Variants in GRK1 observed in about 807,000 individuals in gnomAD.
The protein encoded by GRK1 is G protein-coupled receptor kinase 1, also known as rhodopsin kinase GRK1.
Under a neutral mutation model 41.7 loss-of-function variants are expected in GRK1, and 28 were observed. That is an observed-to-expected ratio of 0.67 (90% CI 0.50 to 0.92). The LOEUF (loss-of-function observed/expected upper bound fraction) is 0.92. Among genes scored for constraint, GRK1 ranks in the 40% least tolerant of loss-of-function variants. The probability of loss-of-function intolerance (pLI) is 0.00; values close to 1 mark genes in which losing one functional copy is unlikely to be tolerated. For synonymous variants in GRK1, 327 were observed against 286.7 expected (o/e 1.14, Z -1.42); for missense variants, 703 against 671.2 (o/e 1.05, Z -0.52).
intron 4 of GRK1, among the ~76,000 whole-genome samples, chr13:113,727,619 TGAG>T (rs773311898): frequency 5.8e-4 from 77 of 133,582 alleles, no homozygotes; most frequent in Non-Finnish European, 1.0e-3. Flanking sequence ...CCCATGGCGA[TGAG>T]GACCCATGGC....
Position 113,731,121 on chromosome 13 carries a change from G to C in GRK1, c.1070-98G>C, listed in dbSNP as rs564223055. Reference sequence around the variant, plus strand: ...AATGTGGAGAGTGCTGAGGCCCCGGGGGGGATGCATCCCCAGAGCATCAGT... The same window carrying C: ...AATGTGGAGAGTGCTGAGGCCCCGGCGGGGATGCATCCCCAGAGCATCAGT... On this transcript the variant is annotated intron_variant, in intron 4 of 6. Transcript: ENST00000335678. This position sits in a 1 kb window ranked among gnomAD's most constrained non-coding sequence, Gnocchi z 5.6. 1.4e-6 allele frequency: 2 copies of C among 1,457,854 alleles called. No individual in the cohort carries two copies. Among genetic ancestry groups the C allele is most frequent in the Non-Finnish European group, 1.8e-6 (2 of 1,095,164 alleles). The allele number at this position is 1,457,854 out of a possible 1,614,324, so 90.3% of individuals were successfully genotyped here. A position where few individuals can be genotyped will look rare whatever the true frequency, so the allele number is the denominator to read the frequency against.
At chr13:113,668,521 C>T (rs1274802078) in intron 1 of GRK1, among the ~76,000 whole-genome samples, 1 of 152,248 alleles carries the variant, frequency 6.6e-6, no homozygotes, top group Non-Finnish European at 1.5e-5. Context: ...GGCAGCCTCG[C>T]TCTGATGACA....
In GRK1 at chr13:113,733,844, C is replaced by T. The variant is rs1210904445; in HGVS notation, c.1396+759C>T. Among the ~76,000 whole-genome samples the T allele has an allele frequency of 7.6e-3, 633 of 83,692 alleles. 14 individuals carry two copies. Among genetic ancestry groups the T allele is most frequent in the African/African-American group, 0.036 (567 of 15,780 alleles). The allele number at this position is 83,692 out of a possible 152,430, so 54.9% of individuals were successfully genotyped here. Reference sequence around the variant, plus strand: ...GTGCGTGTGTGTGCACGTGCGTGTGCATGTGTATGTGTGCATACGTGTGTG... The same window carrying T: ...GTGCGTGTGTGTGCACGTGCGTGTGTATGTGTATGTGTGCATACGTGTGTG... On this transcript the variant is annotated intron_variant, in intron 6 of 6. Coordinates refer to ENST00000335678, the MANE Select transcript of GRK1 (RefSeq NM_002929.3).
chr13:113,652,779 C>T, the GRK1 span: 3 of 1,456,574 alleles, frequency 2.1e-6, no homozygotes, highest in Non-Finnish European at 2.8e-6. Context: ...GGGCAAGCCC[C>T]AGACAGGACA....
At chr13:113,653,029 G>A in the GRK1 span, 109 of 1,613,820 alleles carry the variant, frequency 6.8e-5, no homozygotes, top group African/African-American at 5.3e-4. Flanking sequence ...AGTACTGCTC[G>A]GAGGTGCAGT....
chr13:113,728,192 G>T, intron 4 of GRK1, among the ~76,000 whole-genome samples: 1 of 127,118 alleles, frequency 7.9e-6, no homozygotes. Context: ...GAGTACCCAT[G>T]GCGATGAGGA....
At chr13:113,732,677 C>T (rs942430672) in intron 5 of GRK1, among the ~76,000 whole-genome samples, 2 of 152,212 alleles carry the variant, frequency 1.3e-5, no homozygotes, top group African/African-American at 4.8e-5. Context: ...GCACGGCACC[C>T]ACCTGTGGCT....
upstream of GRK1, among the ~76,000 whole-genome samples, chr13:113,663,884 C>T (rs74116282): frequency 0.034 from 5,181 of 152,252 alleles, 303 homozygotes; most frequent in African/African-American, 0.12. Context: ...AAACAGCTTG[C>T]CGGTTTCTTC....
At chr13:113,653,485 A>G in the GRK1 span, 1 of 1,538,468 alleles carries the variant, frequency 6.5e-7, no homozygotes, top group East Asian at 2.2e-5. Flanking sequence ...CACCACATTT[A>G]AGCCATCAGT....
chr13:113,734,036 A>ATG (rs555370556), intron 6 of GRK1, among the ~76,000 whole-genome samples: 18,712 of 107,730 alleles, frequency 0.17, 1,390 homozygotes, highest in Middle Eastern at 0.36. Flanking sequence ...GCGTGTGCGT[A>ATG]TGTGTGTGTG....
At chr13:113,733,925 CAT>C (rs2049975766) in intron 6 of GRK1, among the ~76,000 whole-genome samples, 1 of 41,958 alleles carries the variant, frequency 2.4e-5, no homozygotes, top group Non-Finnish European at 4.7e-5. Flanking sequence ...TGCGTGTGTG[CAT>C]GTGTGCATAC....
the GRK1 span, chr13:113,652,759 T>C: frequency 8.0e-7 from 1 of 1,253,622 alleles, no homozygotes. Flanking sequence ...CTGGAGTCCC[T>C]GTCCCGCTTG....
intron 1 of GRK1, 145 bp downstream of exon 1, chr13:113,668,230 G>A (rs1014987177): frequency 7.0e-6 from 6 of 855,028 alleles, no homozygotes; most frequent in Non-Finnish European, 1.1e-5. Context: ...GCCTCGCCAC[G>A]TGGGCGCCCC....
chr13:113,651,107 G>GA, the GRK1 span, among the ~76,000 whole-genome samples: 1 of 151,920 alleles, frequency 6.6e-6, no homozygotes, highest in Non-Finnish European at 1.5e-5. Context: ...ACCCTAGTGG[G>GA]AAGGCTCCAC....
chr13:113,664,661 C>T (rs1037635610), upstream of GRK1, among the ~76,000 whole-genome samples: 4 of 152,330 alleles, frequency 2.6e-5, no homozygotes, highest in Admixed American at 2.6e-4. This position sits in a 1 kb window ranked among gnomAD's most constrained non-coding sequence, Gnocchi z 5.4. Flanking sequence ...TCAGACCCTA[C>T]GCCTCCACAG....
At chr13:113,733,992 ACATGTGTGTGCGTGTGCGTG>A (rs1225640087) in intron 6 of GRK1, among the ~76,000 whole-genome samples, 2 of 122,812 alleles carry the variant, frequency 1.6e-5, no homozygotes, top group South Asian at 5.2e-4. Context: ...GTGTGTGCAT[ACATGTGTGTGCGTGTGCGTG>A]CATGTGTGTG....
At chr13:113,732,848 G>T (rs769237233) in intron 5 of GRK1, 36 bp from the exon 6 acceptor site, 2 of 1,512,892 alleles carry the variant, frequency 1.3e-6, no homozygotes, top group African/African-American at 2.7e-5. Flanking sequence ...AAGAGAGGCG[G>T]GTCTGGCAGG....
intron 6 of GRK1, among the ~76,000 whole-genome samples, chr13:113,733,594 TGC>T (rs1491042666): frequency 8.7e-5 from 13 of 149,436 alleles, no homozygotes; most frequent in Non-Finnish European, 1.5e-4. Flanking sequence ...TACGTGTGTG[TGC>T]ATGTGTGCGC....
At position 113,736,187 on chromosome 13, in the gene GRK1, G is replaced by A. The variant is rs1006390299; in HGVS notation, c.*824G>A. ...AAAATGTTTTCTGTCTTGACCCTGA[G>A]TCCCGGAAGCACCTCAGCTGCTCTT... On this transcript the variant is annotated 3_prime_UTR_variant, in exon 7 of 7. Coordinates refer to ENST00000335678, the MANE Select transcript of GRK1 (RefSeq NM_002929.3). 1 of 152,236 alleles carries A rather than the reference G, an allele frequency of 6.6e-6. No individual in the cohort carries two copies. Among genetic ancestry groups the A allele is most frequent in the Non-Finnish European group, 1.5e-5 (1 of 68,078 alleles). The allele number at this position is 152,236 out of a possible 1,614,324, so 9.4% of individuals were successfully genotyped here. A position where few individuals can be genotyped will look rare whatever the true frequency, so the allele number is the denominator to read the frequency against.
Sources: allele counts gnomAD v4.1 joint callset (sites outside exome capture counted in the v4.1 genomes callset), GRCh38; gene constraint gnomAD v4.1.1; non-coding constraint Gnocchi (gnomAD v3.1); transcripts MANE v1.5; gene names NCBI Gene and HGNC (gene_info 2026-07-23, HGNC 2026-07-21).